DOP1A: variants seen among roughly 807,000 people sequenced by gnomAD.
DOP1A encodes DOP1 leucine zipper like protein A, also known as protein DOP1A.
DOP1A carries 90 observed loss-of-function variants against 267.6 expected under a neutral mutation model. That is an observed-to-expected ratio of 0.34 (90% CI 0.28 to 0.40). The LOEUF (loss-of-function observed/expected upper bound fraction) is 0.40, where lower values mean the gene tolerates loss of function less well. Ranked by LOEUF, DOP1A falls within the 10% of genes least tolerant of loss-of-function variation. The pLI is 1.00. For synonymous variants in DOP1A, 932 were observed against 999.1 expected (o/e 0.93, Z 1.27); for missense variants, 2,437 against 2,900.4 (o/e 0.84, Z 3.67).
rs140793894 is a variant in DOP1A at position 83,139,060 on chromosome 6, A to G, written c.5018A>G (p.Lys1673Arg). ...ACATCTACTCTGCCTTACATGGGAA[A>G]AGTTCTGCAGAGAGTGGTTGTTTCT... is the stretch of plus-strand genomic sequence containing the variant. ...LITSTLPYMG[K>R]VLQRVVVSVT... The change falls in exon 21 of 39, where the codon AAA (lysine) becomes AGA (arginine). Residue 1673 changes from lysine (K) to arginine (R), a missense_variant. Around this residue, in one of 9 missense-constraint regions of DOP1A, gnomAD observed 307 missense variants for 308.6 expected, o/e 0.99. Coordinates refer to ENST00000349129, the MANE Select transcript of DOP1A (RefSeq NM_015018.4). 36 of 1,614,072 alleles carry G rather than the reference A, an allele frequency of 2.2e-5. No individual in the cohort carries two copies. The African/African-American group carries it at 4.0e-4, about 18-fold the overall frequency.
At position 83,168,016 on chromosome 6, in the gene DOP1A, G is replaced by A. The variant is rs2128468560; in HGVS notation, c.7247G>A (p.Gly2416Glu). ...VFNSKVTSRCGGHSGSPILYS... is the reference protein window; with the variant it reads ...VFNSKVTSRCEGHSGSPILYS... ...AACAGCAAAGTCACAAGCCGATGTG[G>A]AGGACACTCAGGGAGTCCTATCCTC... Residue 2416 changes from glycine (G) to glutamate (E), a missense_variant, in exon 39 of 39, where the codon GGA (glycine) becomes GAA (glutamate). Gly to Glu is a moderately conservative substitution (Grantham distance 98). Transcript: ENST00000349129. 6.2e-7 allele frequency: 1 copy of A among 1,614,158 alleles called. No individual in the cohort carries two copies. The highest frequency in any genetic ancestry group is 8.5e-7 in the Non-Finnish European group (1 of 1,180,024).
Position 83,138,757 on chromosome 6 carries a change from T to G in DOP1A, c.4715T>G (p.Phe1572Cys). ...CTTATTAATTTCTCAGAGGATGAAT[T>G]TGACAATGGCAGCACGTTGCAGTCA... is the stretch of plus-strand genomic sequence containing the variant. ...DSLINFSEDE[F>C]DNGSTLQSQL... Residue 1572 changes from phenylalanine to cysteine, a missense_variant, in exon 21 of 39, where the codon TTT becomes TGT. Coordinates refer to ENST00000349129, the MANE Select transcript of DOP1A (RefSeq NM_015018.4). The G allele has an allele frequency of 6.2e-7, 1 of 1,614,032 alleles. No individual in the cohort carries two copies. The highest frequency in any genetic ancestry group is 8.5e-7 in the Non-Finnish European group (1 of 1,179,940).
rs771385707 is a variant in DOP1A at position 83,113,415 on chromosome 6, G to A, written c.774G>A (p.Met258Ile). The A allele has an allele frequency of 6.2e-7, 1 of 1,613,322 alleles. No homozygotes were observed. The highest frequency in any genetic ancestry group is 2.2e-5 in the East Asian group (1 of 44,798). The change falls in exon 7 of 39, where the codon ATG (methionine) becomes ATA (isoleucine). Residue 258 changes from methionine to isoleucine, a missense_variant. Met to Ile is a conservative substitution (Grantham distance 10). Coordinates refer to ENST00000349129, the MANE Select transcript of DOP1A (RefSeq NM_015018.4). ...TACTCTTCTGTTTTCCATTCCACAT[G>A]AGTCAGGTAAAATATTAACGCCGAT... ...DLILFCFPFH[M>I]SQATRPDMIR...
intron 6 of DOP1A, among the ~76,000 whole-genome samples, chr6:83,110,618 GATA>G (rs1310629606): frequency 6.6e-6 from 1 of 152,068 alleles, no homozygotes; most frequent in Admixed American, 6.6e-5. Flanking sequence ...GATAGTGAAA[GATA>G]ATAGGAAGAA....
In DOP1A at chr6:83,137,803, C is replaced by T. The variant is rs749132672; in HGVS notation, c.3761C>T (p.Ala1254Val). The change falls in exon 21 of 39, where the codon GCT becomes GTT. Residue 1254 changes from alanine (A) to valine (V), a missense_variant. By Grantham distance (64) the Ala-to-Val change is moderately conservative. This residue lies in a region of DOP1A where 878 missense variants were observed against 992.9 expected (regional missense o/e 0.88). Coordinates refer to ENST00000349129, the MANE Select transcript of DOP1A (RefSeq NM_015018.4). ...TTHTLHDSSV[A>V]SIETKSRQRS... ...CACACTCTTCATGACTCTTCTGTTGCTTCCATAGAAACCAAATCTAGACAA... is the reference window on the plus strand; with the variant it reads ...CACACTCTTCATGACTCTTCTGTTGTTTCCATAGAAACCAAATCTAGACAA... The T allele has an allele frequency of 6.2e-7, 1 of 1,613,880 alleles. No individual in the cohort carries two copies. The highest frequency in any genetic ancestry group is 1.1e-5 in the South Asian group (1 of 91,074).
chr6:83,086,954 G>T (rs535756054), intron 1 of DOP1A, among the ~76,000 whole-genome samples: 1 of 152,236 alleles, frequency 6.6e-6, no homozygotes, highest in East Asian at 1.9e-4. Flanking sequence ...AGAGATTCGG[G>T]GGGTAGACTT....
At chr6:83,153,426 G>T in intron 30 of DOP1A, 85 bp from the exon 31 acceptor site, 1 of 820,214 alleles carries the variant, frequency 1.2e-6, no homozygotes, top group Non-Finnish European at 1.8e-6. Flanking sequence ...AGTAGTCTAG[G>T]TTTTCTAACA....
chr6:83,145,295 G>T, intron 24 of DOP1A, among the ~76,000 whole-genome samples: 1 of 112,580 alleles, frequency 8.9e-6, no homozygotes, highest in Non-Finnish European at 1.8e-5. Flanking sequence ...TTAAATAGAG[G>T]CCAGGGCTGG....
intron 12 of DOP1A, among the ~76,000 whole-genome samples, chr6:83,123,289 G>A (rs1394616977): frequency 1.3e-5 from 2 of 151,986 alleles, no homozygotes; most frequent in African/African-American, 4.8e-5. Context: ...ATTTTTGGCT[G>A]CTGCCTCAGC....
At position 83,137,317 on chromosome 6, in the gene DOP1A, T is replaced by A; in HGVS notation, c.3275T>A (p.Val1092Asp). The stretch of plus-strand genomic sequence containing the variant: ...ACCAGCAGTGAGACAATTCCAATGG[T>A]TGTGTCTGATTTTGATCTTCCAGAC... Reference protein sequence around the residue: ...LSTSSETIPMVVSDFDLPDQQ... With the variant: ...LSTSSETIPMDVSDFDLPDQQ... The change falls in exon 21 of 39, where the codon GTT becomes GAT. Residue 1092 changes from valine to aspartate, a missense_variant. This residue lies in a region of DOP1A where 878 missense variants were observed against 992.9 expected (regional missense o/e 0.88). Transcript: ENST00000349129. The A allele has an allele frequency of 6.2e-7, 1 of 1,613,750 alleles. No individual in the cohort carries two copies. The highest frequency in any genetic ancestry group is 8.5e-7 in the Non-Finnish European group (1 of 1,179,792).
At chr6:83,166,036 C>A in intron 38 of DOP1A, 1 of 274,752 alleles carries the variant, frequency 3.6e-6, no homozygotes, top group South Asian at 5.8e-5. Flanking sequence ...AGCTGGTCAT[C>A]GCCAGTTGTC....
At chr6:83,100,962 C>A in intron 4 of DOP1A, 76 bp downstream of exon 4, 1 of 986,016 alleles carries the variant, frequency 1.0e-6, no homozygotes, top group Non-Finnish European at 1.3e-6. Flanking sequence ...ACTTTCTGCA[C>A]TAAAAACTAA....
rs144303120 is a variant in DOP1A, at chr6:83,118,898, C to T, written c.791C>T (p.Pro264Leu). ...FPFHMSQATR[P>L]DMIRILSAAL... ...TCCTAACTCTTTCAGGCCACTCGACCGGATATGATCAGGATCTTGTCAGCA... is the reference window on the plus strand; with the variant it reads ...TCCTAACTCTTTCAGGCCACTCGACTGGATATGATCAGGATCTTGTCAGCA... Residue 264 changes from proline to leucine, a missense_variant, in exon 8 of 39, where the codon CCG becomes CTG. Coordinates refer to ENST00000349129, the MANE Select transcript of DOP1A (RefSeq NM_015018.4). 65 of 1,613,342 alleles carry T rather than the reference C, an allele frequency of 4.0e-5. No homozygotes were observed. The Middle Eastern group carries it at 5.0e-4, about 12-fold the overall frequency.
intron 5 of DOP1A, among the ~76,000 whole-genome samples, chr6:83,109,417 T>C (rs1464763463): frequency 6.6e-6 from 1 of 152,214 alleles, no homozygotes; most frequent in Non-Finnish European, 1.5e-5. Flanking sequence ...TTATCTGTGT[T>C]ATTCTAATAA....
intron 5 of DOP1A, among the ~76,000 whole-genome samples, chr6:83,109,842 TG>T (rs1267470107): frequency 6.6e-6 from 1 of 152,094 alleles, no homozygotes; most frequent in Admixed American, 6.6e-5. Context: ...TGTGGTGGAG[TG>T]TTTTGTTGTT....
chr6:83,154,572 C>A (rs1373321402), intron 33 of DOP1A, among the ~76,000 whole-genome samples: 2 of 152,180 alleles, frequency 1.3e-5, no homozygotes, highest in African/African-American at 2.4e-5. Flanking sequence ...TAATAGCACT[C>A]AATAAATAAT....
rs1199743676 is a variant in DOP1A, at chr6:83,138,192, G to T, written c.4150G>T (p.Ala1384Ser). ...QLYDSSRTLY[A>S]FSAIKAILKT... ...GTATGATTCATCCAGGACTTTGTAT[G>T]CTTTCTCTGCCATCAAAGCCATCTT... The change falls in exon 21 of 39, where the codon GCT (alanine) becomes TCT (serine). Residue 1384 changes from alanine (A) to serine (S), a missense_variant. Physicochemically the swap from Ala to Ser is moderately conservative, Grantham distance 99. Coordinates refer to ENST00000349129, the MANE Select transcript of DOP1A (RefSeq NM_015018.4). The T allele has an allele frequency of 6.2e-7, 1 of 1,613,784 alleles. No homozygotes were observed. The highest frequency in any genetic ancestry group is 1.7e-5 in the Admixed American group (1 of 59,986).
chr6:83,099,386 A>G (rs775850522), intron 3 of DOP1A, among the ~76,000 whole-genome samples: 1 of 152,194 alleles, frequency 6.6e-6, no homozygotes, highest in Admixed American at 6.5e-5. Context: ...TTCCTTTACA[A>G]CATCCACAAG....
intron 34 of DOP1A, 145 bp from the exon 35 acceptor site, chr6:83,157,037 T>C: frequency 1.4e-6 from 1 of 701,788 alleles, no homozygotes; most frequent in South Asian, 2.3e-5. Context: ...TATTCGTTGT[T>C]TTATGAAAAT....
Sources: gnomAD v4.1 joint callset for allele counts (sites outside exome capture counted in the v4.1 genomes callset) on GRCh38, gnomAD v4.1.1 for gene constraint, gnomAD v4.1.1 regional missense constraint, MANE v1.5 for transcripts, NCBI Gene and HGNC (gene_info 2026-07-23, HGNC 2026-07-21) for gene names.